CNIH3: variants seen among roughly 807,000 people sequenced by gnomAD.
CNIH3 encodes the protein protein cornichon homolog 3.
A neutral mutation model predicts 24.1 loss-of-function variants in CNIH3; 14 were observed. The observed-to-expected ratio is 0.58, with a 90% confidence interval of 0.38 to 0.91. CNIH3 has a LOEUF of 0.91. Among genes scored for constraint, CNIH3 ranks in the 40% least tolerant of loss-of-function variants. The probability of loss-of-function intolerance (pLI) is 0.00; values close to 1 mark genes in which losing one functional copy is unlikely to be tolerated. For missense variants in CNIH3, 178 were observed against 196.8 expected (o/e 0.90, Z 0.57); for synonymous variants, 68 against 73.8 (o/e 0.92, Z 0.40).
chr1:224,712,613 G>A (rs1344429365), intron 3 of CNIH3, among the ~76,000 whole-genome samples: 1 of 152,184 alleles, frequency 6.6e-6, no homozygotes, highest in Non-Finnish European at 1.5e-5. Flanking sequence ...ATGTAGCCAG[G>A]AGTTGAAAGG....
intron 1 of CNIH3, among the ~76,000 whole-genome samples, chr1:224,633,993 CT>C (rs1683957139): frequency 6.6e-6 from 1 of 152,246 alleles, no homozygotes; most frequent in Non-Finnish European, 1.5e-5. Flanking sequence ...TCTTATTTCT[CT>C]TCCTTCTCAG....
At chr1:224,492,797 T>C (rs1677283825) in intron 1 of CNIH3, among the ~76,000 whole-genome samples, 1 of 152,212 alleles carries the variant, frequency 6.6e-6, no homozygotes, top group Non-Finnish European at 1.5e-5. Flanking sequence ...CTCAAAAGCC[T>C]GTGCTCCGAG....
rs573966389 is a variant in CNIH3 at position 224,510,270 on chromosome 1, C to T, written n.204-5471C>T. Among the ~76,000 whole-genome samples the T allele has an allele frequency of 1.1e-4, 17 of 152,172 alleles. No homozygotes were observed. The South Asian group carries it at 3.5e-3, about 32-fold the overall frequency. ...AGCGGGAGTCAGTTTGCCCCATTCC[C>T]CATGCAAAGGAGCTTAAACTTCATC... On this transcript the variant is annotated intron_variant and non_coding_transcript_variant, in intron 1 of 5. Transcript: ENST00000471578.
intron 1 of CNIH3, among the ~76,000 whole-genome samples, chr1:224,463,342 T>C (rs1371822760): frequency 1.3e-5 from 2 of 152,212 alleles, no homozygotes. Flanking sequence ...TTGTTAAAAA[T>C]CCTTTGGCCA....
At chr1:224,459,424 T>G (rs1356659906) in intron 1 of CNIH3, among the ~76,000 whole-genome samples, 1 of 152,134 alleles carries the variant, frequency 6.6e-6, no homozygotes, top group African/African-American at 2.4e-5. Context: ...CTCAGCGATA[T>G]CCCAAGTATT....
At chr1:224,474,751 G>A (rs1054611292) in intron 1 of CNIH3, among the ~76,000 whole-genome samples, 1 of 152,102 alleles carries the variant, frequency 6.6e-6, no homozygotes. Context: ...ATCGGAGCCC[G>A]GGCCGGTGGC....
downstream of CNIH3, among the ~76,000 whole-genome samples, chr1:224,588,875 A>T (rs1681621329): frequency 6.6e-6 from 1 of 150,936 alleles, no homozygotes. Context: ...CTGCTGTGGG[A>T]GTAAAGGCTG....
In CNIH3 at chr1:224,570,794, T is replaced by G. The variant is rs192873334; in HGVS notation, n.516+4530T>G. ...TACTGAATGTTATAATCACATTGCC[T>G]ATATTATCTTCTAAAAGTTTTATAG... On this transcript the variant is annotated intron_variant and non_coding_transcript_variant, in intron 4 of 5. Coordinates refer to the CNIH3 transcript ENST00000471578. Among the ~76,000 whole-genome samples the G allele has an allele frequency of 3.3e-4, 50 of 152,334 alleles. No homozygotes were observed. In the East Asian group the frequency reaches 7.7e-3, roughly 23 times the overall value.
intron 1 of CNIH3, among the ~76,000 whole-genome samples, chr1:224,464,760 T>C (rs1676082893): frequency 6.6e-6 from 1 of 152,238 alleles, no homozygotes; most frequent in Non-Finnish European, 1.5e-5. Flanking sequence ...AGCATAAGTC[T>C]TCCAGCTGTA....
At chr1:224,501,388 T>C (rs1677659120) in intron 1 of CNIH3, among the ~76,000 whole-genome samples, 7 of 151,972 alleles carry the variant, frequency 4.6e-5, no homozygotes, top group Admixed American at 4.6e-4. Flanking sequence ...AACAGCACCA[T>C]GAGGCAGATA....
chr1:224,448,565 T>C (rs1675257190), intron 1 of CNIH3, among the ~76,000 whole-genome samples: 1 of 152,212 alleles, frequency 6.6e-6, no homozygotes. Flanking sequence ...ATCTGTTCTT[T>C]CTCTGAGGTG....
rs566305002 is a variant in CNIH3 at position 224,528,822 on chromosome 1, T to C, written n.343+7495T>C. Among the ~76,000 whole-genome samples, 7 of 152,360 alleles carry C rather than the reference T, an allele frequency of 4.6e-5. No individual in the cohort carries two copies. In the East Asian group the frequency reaches 1.3e-3, roughly 29 times the overall value. On this transcript the variant is annotated intron_variant and non_coding_transcript_variant, in intron 2 of 2. Coordinates refer to the CNIH3 transcript ENST00000470602. ...TGAACAATAATAATGTATTTGACAATGTCCCATGTGGAGCATATCACAAAT... is the reference window on the plus strand; with the variant it reads ...TGAACAATAATAATGTATTTGACAACGTCCCATGTGGAGCATATCACAAAT...
intron 1 of CNIH3, among the ~76,000 whole-genome samples, chr1:224,435,504 T>C (rs1197030437): frequency 6.6e-6 from 1 of 152,214 alleles, no homozygotes; most frequent in Non-Finnish European, 1.5e-5. Flanking sequence ...GGAGGGACTC[T>C]GCTGTTGAGG....
At chr1:224,577,815 C>G (rs1436265179) in intron 4 of CNIH3, among the ~76,000 whole-genome samples, 3 of 152,084 alleles carry the variant, frequency 2.0e-5, no homozygotes, top group African/African-American at 7.2e-5. Context: ...TGGAACCAGC[C>G]TAAATGCCCA....
At chr1:224,621,863 G>C (rs1283880017) in intron 1 of CNIH3, among the ~76,000 whole-genome samples, 1 of 152,202 alleles carries the variant, frequency 6.6e-6, no homozygotes, top group Admixed American at 6.5e-5. Context: ...ATCTCCACGT[G>C]TTGTGGGAAG....
chr1:224,438,615 T>C (rs959131300), intron 1 of CNIH3, among the ~76,000 whole-genome samples: 2 of 152,152 alleles, frequency 1.3e-5, no homozygotes, highest in Non-Finnish European at 2.9e-5. Context: ...AATATTTTTA[T>C]ATTTATATCT....
At chr1:224,464,784 T>A (rs928034332) in intron 1 of CNIH3, among the ~76,000 whole-genome samples, 2 of 152,200 alleles carry the variant, frequency 1.3e-5, no homozygotes, top group South Asian at 2.1e-4. Flanking sequence ...TTCTTTTTTT[T>A]AAAGATTTTA....
At chr1:224,443,915 G>C (rs956270079) in intron 1 of CNIH3, among the ~76,000 whole-genome samples, 1 of 152,020 alleles carries the variant, frequency 6.6e-6, no homozygotes, top group African/African-American at 2.4e-5. Flanking sequence ...GATTAGCCCA[G>C]GTAGGGGCAG....
chr1:224,601,749 G>C (rs74149614), intron 3 of CNIH3, among the ~76,000 whole-genome samples: 3,964 of 152,286 alleles, frequency 0.026, 175 homozygotes, highest in African/African-American at 0.09. Flanking sequence ...CCAGTCTGTT[G>C]AGCTTTGTAA....
Sources: allele counts gnomAD v4.1 joint callset (sites outside exome capture counted in the v4.1 genomes callset), GRCh38; gene constraint gnomAD v4.1.1; transcripts MANE v1.5; gene names NCBI Gene and HGNC (gene_info 2026-07-23, HGNC 2026-07-21).